Variants in CPEB1 observed in about 807,000 individuals in gnomAD.
CPEB1 encodes the protein cytoplasmic polyadenylation element-binding protein 1.
CPEB1 carries 7 observed loss-of-function variants against 65.8 expected under a neutral mutation model. That is an observed-to-expected ratio of 0.11 (90% CI 0.06 to 0.20). The LOEUF is 0.20. CPEB1 is among the 10% of genes least tolerant of loss of function. The pLI is 1.00. For synonymous variants in CPEB1, 262 were observed against 260.0 expected (o/e 1.01, Z -0.08); for missense variants, 551 against 712.2 (o/e 0.77, Z 2.58).
intron 3 of CPEB1, among the ~76,000 whole-genome samples, chr15:82,580,265 G>A (rs1270332639): frequency 1.3e-5 from 2 of 150,224 alleles, no homozygotes; most frequent in African/African-American, 4.9e-5. Context: ...AGGTTGCAGT[G>A]AGCTGAGATC....
chr15:82,568,661 GA>G (rs2039535884), intron 4 of CPEB1, among the ~76,000 whole-genome samples: 1 of 152,184 alleles, frequency 6.6e-6, no homozygotes, highest in African/African-American at 2.4e-5. Context: ...CTAAAGCTAA[GA>G]ATCCAATGAA....
intron 1 of CPEB1, chr15:82,629,304 A>ATAC: frequency 1.0e-6 from 1 of 985,194 alleles, no homozygotes; most frequent in Non-Finnish European, 1.2e-6. Context: ...TAATTATTGA[A>ATAC]TACAAGAGAG....
intron 6 of CPEB1, among the ~76,000 whole-genome samples, 178 bp from the exon 7 acceptor site, chr15:82,554,169 C>T (rs1271948710): frequency 6.6e-6 from 1 of 152,204 alleles, no homozygotes; most frequent in Non-Finnish European, 1.5e-5. Flanking sequence ...CCAATCCACT[C>T]AGTCAAGTAT....
Position 82,555,920 on chromosome 15 carries a change from T to G in CPEB1, c.890A>C (p.Lys297Thr). 6.2e-7 allele frequency: 1 copy of G among 1,613,746 alleles called. No homozygotes were observed. The highest frequency in any genetic ancestry group is 1.1e-5 in the South Asian group (1 of 90,984). Residue 297 changes from lysine (K) to threonine (T), a missense_variant, in exon 6 of 13, where the codon AAA becomes ACA. By Grantham distance (78) the Lys-to-Thr change is moderately conservative. Coordinates refer to ENST00000684509, the MANE Select transcript of CPEB1 (RefSeq NM_001365242.1). ...WPSWDLLEAPKDPFSIEREAR... is the reference protein window; with the variant it reads ...WPSWDLLEAPTDPFSIEREAR... ...CTCTCTCTCTATGCTGAAGGGGTCT[T>G]TGGGAGCTTCGAGGAGGTCCCAGGA...
At chr15:82,593,165 G>A (rs758107137) in intron 3 of CPEB1, among the ~76,000 whole-genome samples, 7 of 152,248 alleles carry the variant, frequency 4.6e-5, no homozygotes, top group South Asian at 2.1e-4. Flanking sequence ...GATGTTTGCC[G>A]CATAGTTCGA....
rs2034617153 is a variant in CPEB1 at position 82,543,453 on chromosome 15, T to A, written c.*1139A>T. The A allele has an allele frequency of 8.9e-6, 1 of 111,912 alleles. No individual in the cohort carries two copies. Among genetic ancestry groups the A allele is most frequent in the African/African-American group, 3.7e-5 (1 of 27,008 alleles). The allele number at this position is 111,912 out of a possible 1,614,324, so 6.9% of individuals were successfully genotyped here. On this transcript the variant is annotated 3_prime_UTR_variant, in exon 13 of 13. Transcript: ENST00000684509. ...GCAAGTAGTTTTTGTGGGTTTTTTG[T>A]TTCTTTTTAAAAAAAAAAAAAAAAA...
At chr15:82,614,863 G>GTT (rs927747537) in intron 3 of CPEB1, among the ~76,000 whole-genome samples, 1 of 115,576 alleles carries the variant, frequency 8.7e-6, no homozygotes, top group African/African-American at 3.1e-5. Flanking sequence ...GTGTGTGTGT[G>GTT]TGTGTGTGTG....
chr15:82,561,972 T>C (rs1438883480), intron 4 of CPEB1, among the ~76,000 whole-genome samples: 3 of 152,200 alleles, frequency 2.0e-5, no homozygotes, highest in Non-Finnish European at 4.4e-5. Context: ...GTCTAGCACA[T>C]GTCAAACACT....
At chr15:82,645,903 A>T (rs777035193) in intron 1 of CPEB1, among the ~76,000 whole-genome samples, 14 of 152,150 alleles carry the variant, frequency 9.2e-5, no homozygotes, top group Non-Finnish European at 1.8e-4. Context: ...ATTAAAAAAT[A>T]AAAAGCCAAA....
At chr15:82,603,478 T>A (rs893943377) in intron 3 of CPEB1, among the ~76,000 whole-genome samples, 2 of 150,978 alleles carry the variant, frequency 1.3e-5, no homozygotes, top group South Asian at 4.2e-4. Context: ...GAATGAAATA[T>A]GAGGCTTTAT....
chr15:82,634,463 G>C (rs1331442104), intron 1 of CPEB1, among the ~76,000 whole-genome samples: 1 of 152,102 alleles, frequency 6.6e-6, no homozygotes, highest in Admixed American at 6.5e-5. Flanking sequence ...ATCATCTCTG[G>C]GTTGATTTTT....
intron 4 of CPEB1, among the ~76,000 whole-genome samples, chr15:82,560,399 T>TG (rs2037989322): frequency 7.2e-6 from 1 of 139,116 alleles, no homozygotes; most frequent in South Asian, 2.2e-4. Flanking sequence ...TATTGTCATT[T>TG]GTTTTTTTTT....
At chr15:82,624,600 G>T (rs187653221) in intron 3 of CPEB1, among the ~76,000 whole-genome samples, 129 of 152,234 alleles carry the variant, frequency 8.5e-4, no homozygotes, top group Middle Eastern at 6.8e-3. Flanking sequence ...GAGTATAATG[G>T]TAACAACATC....
chr15:82,633,342 G>T (rs1241570199), intron 1 of CPEB1: 3 of 152,192 alleles, frequency 2.0e-5, no homozygotes, highest in Non-Finnish European at 4.4e-5. Flanking sequence ...CCTATTGTTA[G>T]AAAGAATGGC....
chr15:82,590,230 A>C (rs1043022245), intron 3 of CPEB1, among the ~76,000 whole-genome samples: 28 of 150,360 alleles, frequency 1.9e-4, no homozygotes, highest in African/African-American at 6.3e-4. Context: ...AAAAAAAAAA[A>C]AAAAAAAAAA....
chr15:82,606,144 T>C (rs777289127), intron 3 of CPEB1, among the ~76,000 whole-genome samples: 2 of 152,072 alleles, frequency 1.3e-5, no homozygotes, highest in African/African-American at 2.4e-5. Context: ...AATTGGTTAT[T>C]ATTTGACCTA....
At chr15:82,590,227 A>AC (rs1567205349) in intron 3 of CPEB1, among the ~76,000 whole-genome samples, 3 of 150,594 alleles carry the variant, frequency 2.0e-5, no homozygotes, top group African/African-American at 7.3e-5. Context: ...AAAAAAAAAA[A>AC]AAAAAAAAAA....
rs748559782 is a variant in CPEB1 at position 82,555,991 on chromosome 15, G to A, written c.819C>T (p.Ser273=). The change falls in exon 6 of 13, where the codon TCC becomes TCT. Residue 273 remains serine, a synonymous_variant. Coordinates refer to ENST00000684509, the MANE Select transcript of CPEB1 (RefSeq NM_001365242.1). ...EQAALAAVTP[S]PTSASKRWPG... is the part of the protein sequence containing the mutation. ...GCCATCTCTTTGAAGCACTGGTTGG[G>A]GAGGGAGTGACTGCAGCAAGAGCAG... 3 of 1,613,760 alleles carry A rather than the reference G, an allele frequency of 1.9e-6. No homozygotes were observed. The highest frequency in any genetic ancestry group is 1.1e-5 in the South Asian group (1 of 90,992).
intron 3 of CPEB1, among the ~76,000 whole-genome samples, chr15:82,617,326 T>G (rs2044815106): frequency 6.6e-6 from 1 of 152,222 alleles, no homozygotes; most frequent in Non-Finnish European, 1.5e-5. Context: ...GTTTCCAGGT[T>G]TTGGCTATTA....
Sources: allele counts gnomAD v4.1 joint callset (sites outside exome capture counted in the v4.1 genomes callset), GRCh38; gene constraint gnomAD v4.1.1; transcripts MANE v1.5; gene names NCBI Gene and HGNC (gene_info 2026-07-23, HGNC 2026-07-21).